The following TYW1 variants were observed in gnomAD, a reference collection of about 807,000 sequenced individuals.
TYW1 encodes the protein tRNA-yW synthesizing protein 1 homolog, also known as S-adenosyl-L-methionine-dependent tRNA 4-demethylwyosine synthase TYW1.
A neutral mutation model predicts 96.2 loss-of-function variants in TYW1; 46 were observed. The ratio of observed to expected loss-of-function variants is 0.48; its 90% CI spans 0.38 to 0.61. The LOEUF is 0.61. Ranked by LOEUF, TYW1 falls within the 20% of genes least tolerant of loss-of-function variation. The pLI is 0.00. For missense variants in TYW1, 684 were observed against 909.6 expected, an observed-to-expected ratio of 0.75 and a Z score of 3.19; for synonymous variants, 274 against 323.0, an observed-to-expected ratio of 0.85 and a Z score of 1.63.
At chr7:67,055,739 C>CA (rs34783731) in intron 8 of TYW1, 96 bp from the exon 9 acceptor site, 167,121 of 828,694 alleles carry the variant, frequency 0.2, 3,733 homozygotes, top group Non-Finnish European at 0.22. Context: ...AATAATTTAG[C>CA]AAAAAAAAAA....
chr7:67,166,363 A>G (rs897925427), intron 13 of TYW1, among the ~76,000 whole-genome samples: 2 of 114,258 alleles, frequency 1.8e-5, no homozygotes, highest in South Asian at 3.2e-4. Context: ...TATATAATAC[A>G]TATATACATG....
At chr7:67,099,894 C>T (rs527327168) in intron 12 of TYW1, among the ~76,000 whole-genome samples, 19 of 152,034 alleles carry the variant, frequency 1.2e-4, no homozygotes, top group Middle Eastern at 6.8e-3. Context: ...CCCAGCTACT[C>T]GGGAGGCTGA....
chr7:67,192,297 G>A (rs530700649), intron 14 of TYW1, among the ~76,000 whole-genome samples: 46 of 152,286 alleles, frequency 3.0e-4, no homozygotes, highest in African/African-American at 9.9e-4. Flanking sequence ...ATAATGAACC[G>A]CAGCAGGCAT....
At chr7:67,018,880 C>T (rs1340207765) in intron 6 of TYW1, among the ~76,000 whole-genome samples, 4 of 148,280 alleles carry the variant, frequency 2.7e-5, no homozygotes, top group Admixed American at 6.9e-5. Context: ...CGCTTGAACC[C>T]GGGAGGTGGA....
chr7:67,056,553 A>G (rs765169915), intron 9 of TYW1, among the ~76,000 whole-genome samples: 1 of 152,066 alleles, frequency 6.6e-6, no homozygotes, highest in Non-Finnish European at 1.5e-5. Context: ...GTCTTTTGCA[A>G]CTGGCTTCTT....
chr7:67,162,147 A>C (rs1437462822), intron 13 of TYW1, among the ~76,000 whole-genome samples: 5 of 151,742 alleles, frequency 3.3e-5, no homozygotes, highest in Non-Finnish European at 7.4e-5. Flanking sequence ...ATACAAAAAA[A>C]ACAAAAAAAC....
At chr7:67,197,187 C>A (rs2116348585) in intron 15 of TYW1, among the ~76,000 whole-genome samples, 1 of 152,312 alleles carries the variant, frequency 6.6e-6, no homozygotes. Context: ...TAGCATGATT[C>A]AGTTATTGCT....
intron 7 of TYW1, among the ~76,000 whole-genome samples, chr7:67,041,349 G>T (rs1217939376): frequency 5.9e-5 from 9 of 151,822 alleles, no homozygotes; most frequent in Non-Finnish European, 2.9e-5. Flanking sequence ...TGTTGCCCAG[G>T]CTGGAGTGCA....
At chr7:67,227,248 T>C (rs1376772865) in intron 15 of TYW1, among the ~76,000 whole-genome samples, 3 of 146,790 alleles carry the variant, frequency 2.0e-5, no homozygotes, top group Non-Finnish European at 4.5e-5. Flanking sequence ...CCACACCAGA[T>C]ATTCTATTAT....
intron 13 of TYW1, among the ~76,000 whole-genome samples, chr7:67,174,742 A>G (rs1331056649): frequency 6.6e-6 from 1 of 151,386 alleles, no homozygotes; most frequent in African/African-American, 2.4e-5. Flanking sequence ...TATTCAAAAA[A>G]TCTTACAAAA....
chr7:67,179,892 T>C (rs1799784297), intron 13 of TYW1, among the ~76,000 whole-genome samples: 1 of 87,380 alleles, frequency 1.1e-5, no homozygotes, highest in African/African-American at 5.7e-5. Flanking sequence ...GGGGACAGGG[T>C]CTTGCTGTGT....
chr7:67,143,480 C>T (rs1284125100), intron 13 of TYW1, among the ~76,000 whole-genome samples: 2 of 152,196 alleles, frequency 1.3e-5, no homozygotes, highest in African/African-American at 4.8e-5. Flanking sequence ...GCTTTCCCTC[C>T]ACTCTGACCT....
chr7:67,017,010 A>G, intron 5 of TYW1, among the ~76,000 whole-genome samples: 1 of 136,546 alleles, frequency 7.3e-6, no homozygotes, highest in East Asian at 2.2e-4. Context: ...TTTGAGACAG[A>G]GTCACTCTCT....
chr7:67,018,186 G>A, intron 6 of TYW1, 43 bp downstream of exon 6: 1 of 1,585,262 alleles, frequency 6.3e-7, no homozygotes, highest in South Asian at 1.1e-5. Flanking sequence ...TTCCTCTTCT[G>A]CTTGGAGATC....
At chr7:67,114,698 C>G (rs533932937) in intron 12 of TYW1, among the ~76,000 whole-genome samples, 1 of 152,288 alleles carries the variant, frequency 6.6e-6, no homozygotes, top group Admixed American at 6.5e-5. Context: ...CATTTGTTAT[C>G]TCTGTATAGA....
intron 12 of TYW1, chr7:67,114,446 A>G (rs1422511588): frequency 6.6e-6 from 1 of 152,654 alleles, no homozygotes; most frequent in African/African-American, 2.4e-5. Flanking sequence ...ATTTTTATAT[A>G]TGATAATTCT....
intron 15 of TYW1, among the ~76,000 whole-genome samples, chr7:67,222,584 C>G (rs909207708): frequency 2.6e-5 from 4 of 152,184 alleles, no homozygotes. Flanking sequence ...TGACAAGTCA[C>G]TGCTCTCTTG....
intron 13 of TYW1, among the ~76,000 whole-genome samples, chr7:67,175,776 A>G (rs188484520): frequency 2.0e-4 from 30 of 152,316 alleles, no homozygotes; most frequent in Non-Finnish European, 4.1e-4. Context: ...TTAGAAGGAA[A>G]CTTCCTAATC....
chr7:67,017,732 C>T, intron 5 of TYW1, 121 bp from the exon 6 acceptor site: 1 of 1,382,440 alleles, frequency 7.2e-7, no homozygotes, highest in Non-Finnish European at 9.8e-7. Context: ...CAGCAATTTC[C>T]TCTTCCTTAG....
Sources: gnomAD v4.1 joint callset for allele counts (sites outside exome capture counted in the v4.1 genomes callset) on GRCh38, gnomAD v4.1.1 for gene constraint, MANE v1.5 for transcripts, NCBI Gene and HGNC (gene_info 2026-07-23, HGNC 2026-07-21) for gene names.